Variants in FER1L5 observed in about 807,000 individuals in gnomAD.
The protein encoded by FER1L5 is fer-1 like family member 5.
In FER1L5, 187 loss-of-function variants were observed where a neutral mutation model predicts 279.9. The observed-to-expected ratio is 0.67, with a 90% confidence interval of 0.59 to 0.75. FER1L5 has a LOEUF of 0.75. FER1L5 is among the 30% of genes least tolerant of loss of function. FER1L5 has a pLI of 0.00. For synonymous variants in FER1L5, 921 were observed against 989.7 expected (o/e 0.93, Z 1.30); for missense variants, 2,091 against 2,594.4 (o/e 0.81, Z 4.21).
At chr2:96,692,969 A>T (rs967449248) in intron 31 of FER1L5, among the ~76,000 whole-genome samples, 6 of 152,088 alleles carry the variant, frequency 3.9e-5, no homozygotes, top group Non-Finnish European at 8.8e-5. Flanking sequence ...CGAGGTCAGG[A>T]ATTCGAGACC....
Position 96,661,709 on chromosome 2 carries a change from T to C in FER1L5, c.936T>C (p.Ile312=), listed in dbSNP as rs1461834403. 1.3e-6 allele frequency: 2 copies of C among 1,551,572 alleles called. No homozygotes were observed. The highest frequency in any genetic ancestry group is 2.7e-5 in the African/African-American group (2 of 73,036). ...KLLYGTDDTD[I]QIFKSAVVPI... is the part of the protein sequence containing the mutation. ...TCTATGGCACCGATGACACCGATAT[T>C]CAGATCTTCAAGTCAGCGGTAGTCC... Residue 312 remains isoleucine, a synonymous_variant, in exon 12 of 53, where the codon ATT becomes ATC. Coordinates refer to ENST00000624922, the MANE Select transcript of FER1L5 (RefSeq NM_001293083.2).
At chr2:96,645,070 T>G (rs1053366227) in intron 1 of FER1L5, among the ~76,000 whole-genome samples, 1 of 152,222 alleles carries the variant, frequency 6.6e-6, no homozygotes, top group Non-Finnish European at 1.5e-5. Context: ...TTCCTTCATA[T>G]GCCATCCACT....
intron 19 of FER1L5, among the ~76,000 whole-genome samples, chr2:96,676,524 T>C (rs1456041908): frequency 2.0e-5 from 3 of 152,236 alleles, no homozygotes; most frequent in African/African-American, 7.2e-5. Context: ...GTTGGACTTT[T>C]GTTGAAAATG....
chr2:96,700,253 C>G, intron 44 of FER1L5, 79 bp from the exon 45 acceptor site: 3 of 1,592,002 alleles, frequency 1.9e-6, no homozygotes, highest in Non-Finnish European at 1.7e-6. Flanking sequence ...AGGCTGCGGT[C>G]GGGAGGGTAA....
Position 96,699,559 on chromosome 2 carries a change from A to G in FER1L5, c.4620A>G (p.Glu1540=), listed in dbSNP as rs573328051. 39 of 1,613,554 alleles carry G rather than the reference A, an allele frequency of 2.4e-5. No homozygotes were observed. Among genetic ancestry groups the G allele is most frequent in the Non-Finnish European group, 3.1e-5 (37 of 1,179,698 alleles). The change falls in exon 43 of 53, where the codon GAA becomes GAG. Residue 1540 remains glutamate (E), a synonymous_variant. Coordinates refer to ENST00000624922, the MANE Select transcript of FER1L5 (RefSeq NM_001293083.2). ...AACACCTCACCCCTAGGATGTTTGAACTCACCTGCAACATACCCCTGGAGA... is the reference window on the plus strand; with the variant it reads ...AACACCTCACCCCTAGGATGTTTGAGCTCACCTGCAACATACCCCTGGAGA... ...TLDPIFGMMF[E]LTCNIPLEKD... is the part of the protein sequence containing the mutation.
At chr2:96,680,814 C>T (rs2076693736) in intron 19 of FER1L5, among the ~76,000 whole-genome samples, 1 of 152,194 alleles carries the variant, frequency 6.6e-6, no homozygotes, top group Non-Finnish European at 1.5e-5. Context: ...CCAGAGGCCC[C>T]TGTGCCCACC....
At chr2:96,699,419 C>T in intron 42 of FER1L5, 131 bp from the exon 43 acceptor site, 1 of 1,102,858 alleles carries the variant, frequency 9.1e-7, no homozygotes, top group Non-Finnish European at 1.3e-6. Flanking sequence ...CAGAAGGCAG[C>T]CTACCCCATG....
At chr2:96,661,595 A>G in intron 11 of FER1L5, 73 bp from the exon 12 acceptor site, 1 of 1,544,034 alleles carries the variant, frequency 6.5e-7, no homozygotes, top group Non-Finnish European at 8.8e-7. Flanking sequence ...GGGAAGTTGG[A>G]GAAGCAAAGT....
At chr2:96,649,479 C>T (rs1254544054) in intron 4 of FER1L5, 144 bp from the exon 5 acceptor site, 8 of 703,268 alleles carry the variant, frequency 1.1e-5, no homozygotes, top group African/African-American at 1.8e-5. Context: ...TGCAGATGCC[C>T]ATGGTGTGGC....
chr2:96,643,444 G>C (rs895382394), intron 1 of FER1L5, among the ~76,000 whole-genome samples: 6 of 152,038 alleles, frequency 3.9e-5, no homozygotes, highest in African/African-American at 1.4e-4. Context: ...CTGCCTCCCA[G>C]GTTCAAGCAA....
intron 31 of FER1L5, among the ~76,000 whole-genome samples, chr2:96,692,797 G>A (rs1468846264): frequency 6.6e-6 from 1 of 152,086 alleles, no homozygotes; most frequent in Admixed American, 6.5e-5. Context: ...GGGCTCCAAG[G>A]GAGCTGTGTC....
At position 96,691,308 on chromosome 2, in the gene FER1L5, T is replaced by C. The variant is rs1433843863; in HGVS notation, c.2862T>C (p.His954=). 4 of 1,550,296 alleles carry C rather than the reference T, an allele frequency of 2.6e-6. No homozygotes were observed. Among genetic ancestry groups the C allele is most frequent in the African/African-American group, 1.4e-5 (1 of 73,024 alleles). The change falls in exon 28 of 53, where the codon CAT becomes CAC. Residue 954 remains histidine, a synonymous_variant. Transcript: ENST00000624922. The surrounding 1 kb of genome is among the most constrained non-coding windows in gnomAD (Gnocchi z 6.0). ...GGGCGCGTGTGCGCTTCAGGAACCA[T>C]GGGGAGCTGAGCCACGAGCAGGAGA... is the stretch of plus-strand genomic sequence containing the variant. The part of the protein sequence containing the change: ...RRWARVRFRN[H]GELSHEQETL...
intron 19 of FER1L5, among the ~76,000 whole-genome samples, chr2:96,681,615 G>T (rs1379681117): frequency 6.6e-6 from 1 of 151,868 alleles, no homozygotes; most frequent in Non-Finnish European, 1.5e-5. Flanking sequence ...TCATATCGTG[G>T]TTTCTTTTGC....
At chr2:96,657,878 C>T (rs923358985) in intron 9 of FER1L5, among the ~76,000 whole-genome samples, 1 of 152,170 alleles carries the variant, frequency 6.6e-6, no homozygotes, top group African/African-American at 2.4e-5. Context: ...TAGATTGCTT[C>T]CAGTCTGAGG....
At chr2:96,668,183 G>A (rs567111509) in intron 14 of FER1L5, among the ~76,000 whole-genome samples, 2 of 152,262 alleles carry the variant, frequency 1.3e-5, no homozygotes, top group South Asian at 2.1e-4. Flanking sequence ...AAACGATCAT[G>A]TGACAAGTTC....
At chr2:96,655,715 C>T (rs2075571724) in intron 9 of FER1L5, among the ~76,000 whole-genome samples, 1 of 152,040 alleles carries the variant, frequency 6.6e-6, no homozygotes, top group Non-Finnish European at 1.5e-5. Flanking sequence ...AACCAAGCTT[C>T]TTCTTTTTTT....
chr2:96,662,659 AAGGGTCCTATGTT>A (rs2075995235), intron 13 of FER1L5, among the ~76,000 whole-genome samples: 1 of 152,218 alleles, frequency 6.6e-6, no homozygotes, highest in South Asian at 2.1e-4. Context: ...ATGGGTAAAA[AAGGGTCCTATGTT>A]CAAATTCGGA....
chr2:96,659,086 C>A (rs2075716213), intron 9 of FER1L5, among the ~76,000 whole-genome samples: 1 of 151,992 alleles, frequency 6.6e-6, no homozygotes, highest in African/African-American at 2.4e-5. Flanking sequence ...CGCCCACCAC[C>A]ACACCCGGCT....
In FER1L5 at chr2:96,658,969, G is replaced by A. The variant is rs147035066; in HGVS notation, c.748-1372G>A. On this transcript the variant is annotated intron_variant, in intron 9 of 52. Coordinates refer to ENST00000624922, the MANE Select transcript of FER1L5 (RefSeq NM_001293083.2). ...GTTTTTGTTTTTGTTTTTTTGGGAC[G>A]GAGTCTCTCTCTGTCACCCAGGCTG... Among the ~76,000 whole-genome samples, 15 of 151,462 alleles carry A rather than the reference G, an allele frequency of 9.9e-5. No homozygotes were observed. In the East Asian group the frequency reaches 1.4e-3, roughly 14 times the overall value.
Sources: gnomAD v4.1 joint callset for allele counts (sites outside exome capture counted in the v4.1 genomes callset) on GRCh38, gnomAD v4.1.1 for gene constraint, Gnocchi (gnomAD v3.1) non-coding constraint, MANE v1.5 for transcripts, NCBI Gene and HGNC (gene_info 2026-07-23, HGNC 2026-07-21) for gene names.